Variants in PAPSS1 observed in about 807,000 individuals in gnomAD.
The protein encoded by PAPSS1 is bifunctional 3'-phosphoadenosine 5'-phosphosulfate synthase 1.
PAPSS1 carries 50 observed loss-of-function variants against 72.0 expected under a neutral mutation model. The ratio of observed to expected loss-of-function variants is 0.69; its 90% CI spans 0.55 to 0.88. The LOEUF (loss-of-function observed/expected upper bound fraction) is 0.88. PAPSS1 is among the 40% of genes least tolerant of loss of function. The probability of loss-of-function intolerance (pLI) is 0.00; values close to 1 mark genes in which losing one functional copy is unlikely to be tolerated. For missense variants in PAPSS1, 657 were observed against 782.2 expected (o/e 0.84, Z 1.91); for synonymous variants, 261 against 263.6 (o/e 0.99, Z 0.09).
At chr4:107,702,657 A>T (rs1446404105) in intron 1 of PAPSS1, among the ~76,000 whole-genome samples, 1 of 152,160 alleles carries the variant, frequency 6.6e-6, no homozygotes, top group Admixed American at 6.5e-5. Context: ...TTTATCATCC[A>T]TGTGGTAACA....
At chr4:107,677,984 A>G (rs1375257824) in intron 5 of PAPSS1, among the ~76,000 whole-genome samples, 4 of 152,286 alleles carry the variant, frequency 2.6e-5, no homozygotes, top group East Asian at 3.9e-4. Context: ...GGAATTGAAC[A>G]ATGAGAACAC....
At chr4:107,692,185 T>A (rs1022079220) in intron 3 of PAPSS1, among the ~76,000 whole-genome samples, 1 of 152,038 alleles carries the variant, frequency 6.6e-6, no homozygotes, top group Non-Finnish European at 1.5e-5. Flanking sequence ...AAGCAAAACT[T>A]GACAAATGGG....
chr4:107,704,082 C>A (rs1723276412), intron 1 of PAPSS1, among the ~76,000 whole-genome samples: 1 of 151,948 alleles, frequency 6.6e-6, no homozygotes. Flanking sequence ...AATGTATTCC[C>A]AAGTATTTTA....
chr4:107,643,759 T>C (rs1290564534), intron 10 of PAPSS1, among the ~76,000 whole-genome samples: 1 of 152,230 alleles, frequency 6.6e-6, no homozygotes, highest in Admixed American at 6.5e-5. Flanking sequence ...TGTATGCCTC[T>C]GTTCCAATGG....
chr4:107,644,661 C>A (rs553267993), intron 10 of PAPSS1, 141 bp downstream of exon 10: 1 of 766,616 alleles, frequency 1.3e-6, no homozygotes, highest in Non-Finnish European at 1.9e-6. Flanking sequence ...ATATCCCTAA[C>A]GAGCAGGAAA....
rs1337726475 is a variant in PAPSS1, at chr4:107,654,759, T to C, written c.1037A>G (p.His346Arg). Residue 346 changes from histidine to arginine, a missense_variant, in exon 8 of 12, where the codon CAC (histidine) becomes CGC (arginine). Coordinates refer to ENST00000265174, the MANE Select transcript of PAPSS1 (RefSeq NM_005443.5). Reference protein sequence around the residue: ...AILRNPEFFEHRKEERCARQW... With the variant: ...AILRNPEFFERRKEERCARQW... ...TCTGGCACAGCGCTCCTCTTTCCTG[T>C]GCTCAAAAAACTCTGGATTGCGAAG... 5.0e-6 allele frequency: 8 copies of C among 1,613,946 alleles called. No individual in the cohort carries two copies. The highest frequency in any genetic ancestry group is 6.8e-6 in the Non-Finnish European group (8 of 1,179,922).
At chr4:107,628,116 C>G (rs1324293110) in intron 11 of PAPSS1, among the ~76,000 whole-genome samples, 1 of 152,076 alleles carries the variant, frequency 6.6e-6, no homozygotes, top group East Asian at 1.9e-4. Flanking sequence ...GTCAGGAGTC[C>G]TTTTACACTT....
At chr4:107,709,405 T>C (rs1023132213) in intron 1 of PAPSS1, among the ~76,000 whole-genome samples, 2 of 152,162 alleles carry the variant, frequency 1.3e-5, no homozygotes, top group African/African-American at 4.8e-5. Context: ...AAGCTAACTT[T>C]GGGAGAAATT....
chr4:107,693,414 T>G (rs1038579046), intron 3 of PAPSS1, among the ~76,000 whole-genome samples: 1 of 152,192 alleles, frequency 6.6e-6, no homozygotes, highest in Non-Finnish European at 1.5e-5. Context: ...GTAGGGCACA[T>G]GTTAAGAAAG....
intron 11 of PAPSS1, among the ~76,000 whole-genome samples, chr4:107,629,369 A>AG (rs1429661899): frequency 6.6e-6 from 1 of 152,230 alleles, no homozygotes; most frequent in African/African-American, 2.4e-5. Context: ...TAAATTTTCA[A>AG]GGAAGAAATT....
chr4:107,621,376 A>G (rs1725949638), intron 11 of PAPSS1, among the ~76,000 whole-genome samples: 1 of 152,206 alleles, frequency 6.6e-6, no homozygotes, highest in East Asian at 1.9e-4. Context: ...CAACTGTGTT[A>G]GATTAATGTA....
intron 7 of PAPSS1, among the ~76,000 whole-genome samples, chr4:107,656,485 A>G (rs1727013793): frequency 6.6e-6 from 1 of 151,102 alleles, no homozygotes; most frequent in African/African-American, 2.4e-5. Context: ...TTTTAGCCAC[A>G]TATTTCAGAA....
chr4:107,707,934 C>T (rs969285436), intron 1 of PAPSS1, among the ~76,000 whole-genome samples: 2 of 152,072 alleles, frequency 1.3e-5, no homozygotes, highest in African/African-American at 4.8e-5. Context: ...TCCTACCTTC[C>T]CCTTCACAAT....
At chr4:107,638,992 T>C (rs889452952) in intron 10 of PAPSS1, among the ~76,000 whole-genome samples, 2 of 152,146 alleles carry the variant, frequency 1.3e-5, no homozygotes, top group Non-Finnish European at 2.9e-5. Flanking sequence ...CACATTCCTA[T>C]TCATACTGAG....
chr4:107,620,787 C>A (rs1208103234), intron 11 of PAPSS1, among the ~76,000 whole-genome samples: 1 of 152,140 alleles, frequency 6.6e-6, no homozygotes, highest in Non-Finnish European at 1.5e-5. Context: ...GAAAGAAAGA[C>A]AGATTGAGTT....
intron 11 of PAPSS1, among the ~76,000 whole-genome samples, chr4:107,624,271 C>T (rs1010317539): frequency 1.3e-5 from 2 of 152,254 alleles, no homozygotes; most frequent in Admixed American, 1.3e-4. Context: ...CTCCAGGAAC[C>T]TATCCCCGGT....
At chr4:107,640,192 C>A (rs946501534) in intron 10 of PAPSS1, among the ~76,000 whole-genome samples, 2 of 152,140 alleles carry the variant, frequency 1.3e-5, no homozygotes, top group Non-Finnish European at 2.9e-5. Flanking sequence ...CCTACATAGT[C>A]AATTAATACC....
intron 1 of PAPSS1, among the ~76,000 whole-genome samples, chr4:107,703,963 A>T (rs1723273244): frequency 6.6e-6 from 1 of 152,200 alleles, no homozygotes; most frequent in Non-Finnish European, 1.5e-5. Flanking sequence ...AACAATATTA[A>T]TTCTTTCAAT....
intron 1 of PAPSS1, among the ~76,000 whole-genome samples, chr4:107,705,702 T>C (rs1384027974): frequency 1.3e-5 from 2 of 152,264 alleles, no homozygotes; most frequent in African/African-American, 4.8e-5. Flanking sequence ...ACCGGAGATA[T>C]AAATTATTGT....
Sources: allele counts gnomAD v4.1 joint callset (sites outside exome capture counted in the v4.1 genomes callset), GRCh38; gene constraint gnomAD v4.1.1; transcripts MANE v1.5; gene names NCBI Gene and HGNC (gene_info 2026-07-23, HGNC 2026-07-21).